PIP5KL1: variants seen among roughly 807,000 people sequenced by gnomAD.
PIP5KL1 encodes the protein phosphatidylinositol 4-phosphate 5-kinase-like protein 1.
Under a neutral mutation model 47.6 loss-of-function variants are expected in PIP5KL1, and 45 were observed. That is an observed-to-expected ratio of 0.94 (90% CI 0.74 to 1.21). PIP5KL1 has a LOEUF of 1.21. PIP5KL1 is among the 50% of genes most tolerant of loss of function. The pLI is 0.00. For missense variants in PIP5KL1, 577 were observed against 547.6 expected, an observed-to-expected ratio of 1.05 and a Z score of -0.54; for synonymous variants, 256 against 234.6, an observed-to-expected ratio of 1.09 and a Z score of -0.84.
At chr9:127,930,670 GC>G in intron 1 of PIP5KL1, 52 bp downstream of exon 1, 1 of 1,491,650 alleles carries the variant, frequency 6.7e-7, no homozygotes. Flanking sequence ...GGGAGGCCCG[GC>G]CCCTGCCCAC....
At chr9:127,928,587 T>C (rs1430313220) in intron 2 of PIP5KL1, 104 bp from the exon 3 acceptor site, 4 of 1,229,564 alleles carry the variant, frequency 3.3e-6, no homozygotes, top group East Asian at 2.6e-5. Context: ...CCTCCTCCAA[T>C]TGGATTCCTT....
In PIP5KL1 at chr9:127,929,725, C is replaced by T. The variant is rs1027809156; in HGVS notation, c.191G>A (p.Trp64Ter). The change falls in exon 2 of 10, where the codon TGG becomes TAG. Residue 64 changes from tryptophan (W) to a stop codon, truncating the protein, a stop_gained. Transcript: ENST00000388747. LOFTEE classifies it high-confidence loss of function. The surrounding 1 kb of genome is among the most constrained non-coding windows in gnomAD (Gnocchi z 4.0). ...GTCCATGGAGACCTGGGTGGCAGCC[C>T]ACAGCCCTGCCTGCATCATGCACGT... ...GMTCMMQAGLWAATQVSMDHP... is the reference protein window; with the variant it reads ...GMTCMMQAGL 1 of 1,585,542 alleles carries T rather than the reference C, an allele frequency of 6.3e-7. No homozygotes were observed. Among genetic ancestry groups the T allele is most frequent in the Non-Finnish European group, 8.6e-7 (1 of 1,164,886 alleles).
At chr9:127,925,417 A>T (rs906029493) in intron 8 of PIP5KL1, 157 bp from the exon 9 acceptor site, 10 of 772,304 alleles carry the variant, frequency 1.3e-5, no homozygotes, top group Non-Finnish European at 2.0e-5. Flanking sequence ...CTAGGAAGTC[A>T]TGGAGCCTGA....
chr9:127,929,789 G>A lies in PIP5KL1; in HGVS notation c.127C>T (p.Leu43=). 2 of 1,559,252 alleles carry A rather than the reference G, an allele frequency of 1.3e-6. No homozygotes were observed. The highest frequency in any genetic ancestry group is 1.7e-6 in the Non-Finnish European group (2 of 1,151,666). ...TCATGCCCCGGGCTGATCTCAAACA[G>A]GCCCAGGCGAGACTGCTTGTCTCGG... ...RLRDKQSRLG[L]FEISPGHELH... Residue 43 remains leucine, a synonymous_variant, in exon 2 of 10, where the codon CTG becomes TTG. Transcript: ENST00000388747. The surrounding 1 kb of genome is among the most constrained non-coding windows in gnomAD (Gnocchi z 4.0).
intron 9 of PIP5KL1, among the ~76,000 whole-genome samples, chr9:127,924,573 T>C (rs555059368): frequency 2.0e-5 from 3 of 150,330 alleles, no homozygotes; most frequent in Non-Finnish European, 3.0e-5. Context: ...GGAGAATCGC[T>C]TGAATCGGGG....
chr9:127,930,619 T>C, intron 1 of PIP5KL1, 104 bp downstream of exon 1: 2 of 1,347,804 alleles, frequency 1.5e-6, no homozygotes, highest in Non-Finnish European at 1.9e-6. Flanking sequence ...GCAGGGCCCC[T>C]CCCAGGCTTG....
intron 7 of PIP5KL1, among the ~76,000 whole-genome samples, chr9:127,926,722 C>A (rs1026388390): frequency 1.3e-5 from 2 of 152,250 alleles, no homozygotes; most frequent in Non-Finnish European, 2.9e-5. Flanking sequence ...GGATCCAACC[C>A]CAGGCGGTGG....
chr9:127,926,763 CG>C (rs975540860), intron 7 of PIP5KL1, among the ~76,000 whole-genome samples: 1 of 152,156 alleles, frequency 6.6e-6, no homozygotes, highest in African/African-American at 2.4e-5. Context: ...AGCCAATGGC[CG>C]GGGGGCGGGG....
Position 127,922,057 on chromosome 9 carries a change from C to A in PIP5KL1, c.975G>T (p.Leu325=), listed in dbSNP as rs1831290734. Reference sequence around the variant, plus strand: ...TGTGTAGGGCGTTGGGGGCGTCGGGCAGCAGCCGGCGGTTTTGGGCTCTCG... The same window carrying A: ...TGTGTAGGGCGTTGGGGGCGTCGGGAAGCAGCCGGCGGTTTTGGGCTCTCG... The part of the protein sequence containing the change: ...EESRAQNRRL[L]PDAPNALHIL... The change falls in exon 10 of 10, where the codon CTG becomes CTT. Residue 325 remains leucine (L), a synonymous_variant. Coordinates refer to ENST00000388747, the MANE Select transcript of PIP5KL1 (RefSeq NM_001135219.2). The A allele has an allele frequency of 1.9e-6, 3 of 1,564,352 alleles. No homozygotes were observed. Among genetic ancestry groups the A allele is most frequent in the Non-Finnish European group, 8.6e-7 (1 of 1,156,394 alleles).
rs1301191002 is a variant in PIP5KL1 at position 127,927,271 on chromosome 9, A to G, written c.594+26T>C. 3 of 1,611,466 alleles carry G rather than the reference A, an allele frequency of 1.9e-6. No individual in the cohort carries two copies. The highest frequency in any genetic ancestry group is 3.3e-5 in the Admixed American group (2 of 59,772). On this transcript the variant is annotated intron_variant, in intron 6 of 9. Transcript: ENST00000388747. The surrounding 1 kb of genome is among the most constrained non-coding windows in gnomAD (Gnocchi z 5.5). ...CGCCCTCCAGCCGCCCGCTCCGCCC[A>G]GCCACCTCGCCTCGGCTTCACCCAC...
intron 2 of PIP5KL1, 58 bp from the exon 3 acceptor site, chr9:127,928,541 G>T (rs1831396582): frequency 6.8e-7 from 1 of 1,472,148 alleles, no homozygotes; most frequent in South Asian, 1.3e-5. Context: ...GCCTGCCCCA[G>T]GATCTCCAGA....
rs913355676 is a variant in PIP5KL1, at chr9:127,927,324, G to A, written c.567C>T (p.His189=). Residue 189 remains histidine (H), a synonymous_variant, in exon 6 of 10, where the codon CAC becomes CAT. Coordinates refer to ENST00000388747, the MANE Select transcript of PIP5KL1 (RefSeq NM_001135219.2). The surrounding 1 kb of genome is among the most constrained non-coding windows in gnomAD (Gnocchi z 5.5). ...HSLLARLLGV[H]SLRVDRGKKT... ...TCTTTCCCCGGTCCACCCGCAGACTGTGCACTCCTGGAAGGGGAGAGGGCG... is the reference window on the plus strand; with the variant it reads ...TCTTTCCCCGGTCCACCCGCAGACTATGCACTCCTGGAAGGGGAGAGGGCG... The A allele has an allele frequency of 5.6e-6, 9 of 1,609,350 alleles. No individual in the cohort carries two copies. The highest frequency in any genetic ancestry group is 7.6e-6 in the Non-Finnish European group (9 of 1,179,016).
chr9:127,928,268 G>C (rs770290263), intron 3 of PIP5KL1, 49 bp from the exon 4 acceptor site: 2 of 1,530,788 alleles, frequency 1.3e-6, no homozygotes, highest in African/African-American at 1.4e-5. Context: ...GGGCCCGGGT[G>C]TGTGCAGTTG....
Position 127,927,773 on chromosome 9 carries a change from C to T in PIP5KL1, c.435-1G>A. ...CTTCAGGAAGAAGCGCTGGTCGTGG[C>T]TGGGGGGCAAGAGAAAGAGGTCACT... On this transcript the variant is annotated splice_acceptor_variant, in intron 4 of 9. Coordinates refer to ENST00000388747, the MANE Select transcript of PIP5KL1 (RefSeq NM_001135219.2). LOFTEE classifies it high-confidence loss of function. The surrounding 1 kb of genome is among the most constrained non-coding windows in gnomAD (Gnocchi z 5.5). 4.5e-6 allele frequency: 7 copies of T among 1,560,852 alleles called. No individual in the cohort carries two copies. The highest frequency in any genetic ancestry group is 6.1e-6 in the Non-Finnish European group (7 of 1,153,796).
rs1213891916 is a variant in PIP5KL1, at chr9:127,927,444, G to C, written c.560-113C>G. On this transcript the variant is annotated intron_variant, in intron 5 of 9. Transcript: ENST00000388747. This position sits in a 1 kb window ranked among gnomAD's most constrained non-coding sequence, Gnocchi z 5.5. ...TCCTTCTCAAGATCCGCGGCACCTG[G>C]ACCCTTCCTTGGCTGGTCCGGATCC... The C allele has an allele frequency of 2.0e-6, 3 of 1,501,070 alleles. No homozygotes were observed. In the African/African-American group the frequency reaches 4.2e-5, roughly 21 times the overall value. 93.0% of individuals were successfully genotyped at this position (1,501,070 alleles called of 1,614,324 possible).
In PIP5KL1 at chr9:127,924,986, T is replaced by C; in HGVS notation, c.917+121A>G. On this transcript the variant is annotated intron_variant, in intron 9 of 9. Transcript: ENST00000388747. Reference sequence around the variant, plus strand: ...CACACGCACACACACACACAAACTCTGCACTTTCCAGCCTTCATGTCTTTG... The same window carrying C: ...CACACGCACACACACACACAAACTCCGCACTTTCCAGCCTTCATGTCTTTG... The C allele has an allele frequency of 4.4e-6, 6 of 1,364,268 alleles. No homozygotes were observed. The South Asian group carries it at 8.0e-5, about 18-fold the overall frequency. 84.5% of individuals were successfully genotyped at this position (1,364,268 alleles called of 1,614,324 possible).
At position 127,921,023 on chromosome 9, in the gene PIP5KL1, G is replaced by C. The variant is rs1464442546; in HGVS notation, c.*824C>G. 1.3e-5 allele frequency: 2 copies of C among 152,300 alleles called. No homozygotes were observed. Among genetic ancestry groups the C allele is most frequent in the Non-Finnish European group, 2.9e-5 (2 of 68,100 alleles). 9.4% of individuals were successfully genotyped at this position (152,300 alleles called of 1,614,324 possible). A position where few individuals can be genotyped will look rare whatever the true frequency, so the allele number is the denominator to read the frequency against. ...GCCCCGGAGCAGTTCTGGAGGAAAG[G>C]CCCGCTTGGGCTTGGGCATGGTCGG... On this transcript the variant is annotated 3_prime_UTR_variant, in exon 10 of 10. Coordinates refer to ENST00000388747, the MANE Select transcript of PIP5KL1 (RefSeq NM_001135219.2).
rs774107959 is a variant in PIP5KL1, at chr9:127,929,798, G to C, written c.118C>G (p.Arg40Gly). The C allele has an allele frequency of 1.9e-6, 3 of 1,555,656 alleles. No individual in the cohort carries two copies. Among genetic ancestry groups the C allele is most frequent in the Non-Finnish European group, 2.6e-6 (3 of 1,149,962 alleles). ...GGGCTGATCTCAAACAGGCCCAGGC[G>C]AGACTGCTTGTCTCGGAGGCGCCAG... is the stretch of plus-strand genomic sequence containing the variant. Reference protein sequence around the residue: ...LLWRLRDKQSRLGLFEISPGH... With the variant: ...LLWRLRDKQSGLGLFEISPGH... Residue 40 changes from arginine to glycine, a missense_variant, in exon 2 of 10, where the codon CGC (arginine) becomes GGC (glycine). Transcript: ENST00000388747. The surrounding 1 kb of genome is among the most constrained non-coding windows in gnomAD (Gnocchi z 4.0).
chr9:127,927,383 G>A lies in PIP5KL1; in HGVS notation c.560-52C>T, dbSNP rs1831378626. Reference sequence around the variant, plus strand: ...GGATCCCCAAACTCCACAACCCGGGGTGCATCCGGCGCCAATCCCAGCGCC... The same window carrying A: ...GGATCCCCAAACTCCACAACCCGGGATGCATCCGGCGCCAATCCCAGCGCC... On this transcript the variant is annotated intron_variant, in intron 5 of 9. Transcript: ENST00000388747. The surrounding 1 kb of genome is among the most constrained non-coding windows in gnomAD (Gnocchi z 5.5). The A allele has an allele frequency of 6.4e-7, 1 of 1,562,242 alleles. No individual in the cohort carries two copies. Among genetic ancestry groups the A allele is most frequent in the African/African-American group, 1.4e-5 (1 of 73,778 alleles).
Sources: allele counts gnomAD v4.1 joint callset (sites outside exome capture counted in the v4.1 genomes callset), GRCh38; gene constraint gnomAD v4.1.1; non-coding constraint Gnocchi (gnomAD v3.1); transcripts MANE v1.5; gene names NCBI Gene and HGNC (gene_info 2026-07-23, HGNC 2026-07-21).